THSD7A: variants seen among roughly 807,000 people sequenced by gnomAD.
THSD7A encodes thrombospondin type-1 domain-containing protein 7A.
In THSD7A, 96 loss-of-function variants were observed where a neutral mutation model predicts 231.3. The observed-to-expected ratio is 0.41, with a 90% confidence interval of 0.35 to 0.49. The LOEUF (loss-of-function observed/expected upper bound fraction) is 0.49. Among genes scored for constraint, THSD7A ranks in the 20% least tolerant of loss-of-function variants. THSD7A has a pLI of 0.05. For missense variants in THSD7A, 2,290 were observed against 2,070.2 expected (o/e 1.11, Z -2.06); for synonymous variants, 940 against 743.3 (o/e 1.26, Z -4.30).
chr7:11,799,026 G>A (rs1784205926), intron 1 of THSD7A, among the ~76,000 whole-genome samples: 1 of 151,880 alleles, frequency 6.6e-6, no homozygotes, highest in Non-Finnish European at 1.5e-5. Flanking sequence ...GGGTTCAAGT[G>A]ATTCTCCCGC....
At chr7:11,600,213 C>A (rs1205385666) in intron 2 of THSD7A, among the ~76,000 whole-genome samples, 1 of 151,874 alleles carries the variant, frequency 6.6e-6, no homozygotes, top group Non-Finnish European at 1.5e-5. Flanking sequence ...TAATATGTGC[C>A]TAAACATTCT....
chr7:11,747,302 G>A (rs113564819), intron 1 of THSD7A, among the ~76,000 whole-genome samples: 4 of 152,044 alleles, frequency 2.6e-5, no homozygotes, highest in African/African-American at 9.6e-5. Context: ...CCCTATGGAT[G>A]AGAACAAAGA....
intron 6 of THSD7A, among the ~76,000 whole-genome samples, chr7:11,487,944 T>C (rs1053501965): frequency 6.6e-6 from 1 of 152,130 alleles, no homozygotes; most frequent in Non-Finnish European, 1.5e-5. Flanking sequence ...TTTTTTTAAA[T>C]CATAGAAATG....
chr7:11,631,412 G>A (rs1161055303), intron 2 of THSD7A, among the ~76,000 whole-genome samples: 1 of 151,854 alleles, frequency 6.6e-6, no homozygotes, highest in Non-Finnish European at 1.5e-5. Context: ...ACCTTATGTG[G>A]TAATAACTGC....
chr7:11,522,347 T>C lies in THSD7A; in HGVS notation c.1822+19072A>G, dbSNP rs1218671294. Among the ~76,000 whole-genome samples the C allele has an allele frequency of 2.6e-5, 4 of 152,274 alleles. No individual in the cohort carries two copies. In the South Asian group the frequency reaches 6.2e-4, roughly 24 times the overall value. On this transcript the variant is annotated intron_variant, in intron 6 of 27. Transcript: ENST00000423059. ...AGGTAACTTTCACCTAATTAGGAAA[T>C]AGTGGAAATCAATATAACTTAAAAT... is the stretch of plus-strand genomic sequence containing the variant.
intron 6 of THSD7A, among the ~76,000 whole-genome samples, chr7:11,520,741 G>A (rs1455475988): frequency 6.6e-6 from 1 of 152,230 alleles, no homozygotes; most frequent in African/African-American, 2.4e-5. Flanking sequence ...TTTCATTTAT[G>A]AAGGTAGTCA....
intron 2 of THSD7A, among the ~76,000 whole-genome samples, chr7:11,630,282 A>G (rs2128357439): frequency 6.6e-6 from 1 of 152,314 alleles, no homozygotes; most frequent in Middle Eastern, 3.4e-3. Context: ...TTTAAATTTG[A>G]AGATGAGAGG....
At chr7:11,395,808 G>A (rs1028859173) in intron 23 of THSD7A, among the ~76,000 whole-genome samples, 7 of 152,062 alleles carry the variant, frequency 4.6e-5, no homozygotes, top group Admixed American at 4.6e-4. Context: ...TTACAGGCAT[G>A]AGCCACCGTG....
intron 1 of THSD7A, among the ~76,000 whole-genome samples, chr7:11,809,496 G>A (rs551819286): frequency 6.6e-6 from 1 of 152,110 alleles, no homozygotes; most frequent in East Asian, 1.9e-4. Context: ...GGTTTCCCAT[G>A]AGTGTATACA....
intron 4 of THSD7A, among the ~76,000 whole-genome samples, chr7:11,563,475 T>A (rs774725432): frequency 2.6e-5 from 4 of 152,176 alleles, no homozygotes; most frequent in Non-Finnish European, 5.9e-5. Context: ...TTCTCCTGCC[T>A]CATCCTCCTG....
chr7:11,728,747 C>A lies in THSD7A; in HGVS notation c.191-91786G>T, dbSNP rs979203821. On this transcript the variant is annotated intron_variant, in intron 1 of 27. Transcript: ENST00000423059. Reference sequence around the variant, plus strand: ...TATATACCAAGTAGACTGAGAGAGGCTGCCAGTATCAACTTGTATACTAAA... The same window carrying A: ...TATATACCAAGTAGACTGAGAGAGGATGCCAGTATCAACTTGTATACTAAA... Among the ~76,000 whole-genome samples the A allele has an allele frequency of 2.0e-5, 3 of 151,764 alleles. No homozygotes were observed. The Admixed American group carries it at 2.0e-4, about 10-fold the overall frequency.
intron 1 of THSD7A, among the ~76,000 whole-genome samples, chr7:11,741,411 C>A (rs905462399): frequency 1.3e-5 from 2 of 151,908 alleles, no homozygotes; most frequent in African/African-American, 4.8e-5. Flanking sequence ...TCTGCCCTTT[C>A]TTCCATTGGT....
At chr7:11,401,065 C>A (rs1482537002) in intron 23 of THSD7A, among the ~76,000 whole-genome samples, 1 of 152,012 alleles carries the variant, frequency 6.6e-6, no homozygotes, top group African/African-American at 2.4e-5. Flanking sequence ...AAGTAAAATT[C>A]AGATTAAAAT....
intron 16 of THSD7A, among the ~76,000 whole-genome samples, chr7:11,418,192 G>C (rs1282657538): frequency 6.6e-6 from 1 of 152,164 alleles, no homozygotes; most frequent in Non-Finnish European, 1.5e-5. Context: ...CCCTTCTGCT[G>C]TGAATCTTAA....
Position 11,637,827 on chromosome 7 carries a change from ATATAT to A in THSD7A, c.191-871_191-867del, listed in dbSNP as rs1781928819. On this transcript the variant is annotated intron_variant, in intron 1 of 27. Coordinates refer to ENST00000423059, the MANE Select transcript of THSD7A (RefSeq NM_015204.3). The surrounding 1 kb of genome is among the most constrained non-coding windows in gnomAD (Gnocchi z 4.2). The stretch of plus-strand genomic sequence containing the variant: ...TTCTTAGAATAAACTTTATATTCAC[ATATAT>A]TATTTTTTTCTAAGGTAGATGATAT... 1.3e-5 allele frequency among the ~76,000 whole-genome samples: 2 copies of A among 152,086 alleles called. No homozygotes were observed. Among genetic ancestry groups the A allele is most frequent in the African/African-American group, 4.8e-5 (2 of 41,402 alleles).
intron 4 of THSD7A, among the ~76,000 whole-genome samples, chr7:11,557,397 A>G (rs920356132): frequency 6.6e-6 from 1 of 152,050 alleles, no homozygotes; most frequent in Non-Finnish European, 1.5e-5. Flanking sequence ...AAAGATTTTC[A>G]TCATGGCTTC....
At chr7:11,793,889 G>T (rs1379499133) in intron 1 of THSD7A, among the ~76,000 whole-genome samples, 2 of 151,606 alleles carry the variant, frequency 1.3e-5, no homozygotes, top group Non-Finnish European at 2.9e-5. Context: ...GTAAAAAACA[G>T]AAATCAAAAC....
At chr7:11,382,288 A>T (rs1213867595) in intron 24 of THSD7A, among the ~76,000 whole-genome samples, 1 of 152,188 alleles carries the variant, frequency 6.6e-6, no homozygotes, top group Non-Finnish European at 1.5e-5. Context: ...TATTTTAATT[A>T]AGTTTCAGCA....
chr7:11,426,522 A>G, intron 15 of THSD7A, 144 bp downstream of exon 15: 1 of 863,522 alleles, frequency 1.2e-6, no homozygotes, highest in Non-Finnish European at 1.7e-6. Flanking sequence ...ACAGTTATAG[A>G]AAAAAATTCT....
Sources: gnomAD v4.1 joint callset for allele counts (sites outside exome capture counted in the v4.1 genomes callset) on GRCh38, gnomAD v4.1.1 for gene constraint, Gnocchi (gnomAD v3.1) non-coding constraint, MANE v1.5 for transcripts, NCBI Gene and HGNC (gene_info 2026-07-23, HGNC 2026-07-21) for gene names.